UGT8: variants seen among roughly 807,000 people sequenced by gnomAD.
UGT8 encodes the protein 2-hydroxyacylsphingosine 1-beta-galactosyltransferase.
A neutral mutation model predicts 40.5 loss-of-function variants in UGT8; 12 were observed. The ratio of observed to expected loss-of-function variants is 0.30; its 90% confidence interval spans 0.19 to 0.48. The LOEUF is 0.48. Among genes scored for constraint, UGT8 ranks in the 20% least tolerant of loss-of-function variants. UGT8 has a pLI of 0.99. For missense variants in UGT8, 513 were observed against 648.7 expected, an observed-to-expected ratio of 0.79 and a Z score of 2.27; for synonymous variants, 224 against 240.4, an observed-to-expected ratio of 0.93 and a Z score of 0.63.
Position 114,664,132 on chromosome 4 carries a change from T to A in UGT8, c.960T>A (p.Ile320=). 2 of 1,613,632 alleles carry A rather than the reference T, an allele frequency of 1.2e-6. No individual in the cohort carries two copies. Among genetic ancestry groups the A allele is most frequent in the Non-Finnish European group, 1.7e-6 (2 of 1,179,872 alleles). The change falls in exon 3 of 6, where the codon ATT becomes ATA. Residue 320 remains isoleucine (I), a synonymous_variant. Transcript: ENST00000310836. The part of the protein sequence containing the change: ...GALGRLPQKV[I]WRFSGPKPKN... ...TGGGGAGATTGCCTCAAAAAGTGATTTGGAGGTAAGGTAATAATGTAGATT... is the reference window on the plus strand; with the variant it reads ...TGGGGAGATTGCCTCAAAAAGTGATATGGAGGTAAGGTAATAATGTAGATT...
At chr4:114,602,086 C>T (rs1183530609) in intron 1 of UGT8, among the ~76,000 whole-genome samples, 1 of 151,874 alleles carries the variant, frequency 6.6e-6, no homozygotes, top group South Asian at 2.1e-4. Flanking sequence ...TTTTAATGTA[C>T]CTTTTATAGA....
intron 2 of UGT8, among the ~76,000 whole-genome samples, chr4:114,659,661 G>A (rs1224422974): frequency 6.6e-6 from 1 of 152,104 alleles, no homozygotes; most frequent in Non-Finnish European, 1.5e-5. Context: ...TGTATTGAGT[G>A]AAATGGAAGG....
At chr4:114,611,790 C>T (rs917205078) in intron 1 of UGT8, among the ~76,000 whole-genome samples, 3 of 151,866 alleles carry the variant, frequency 2.0e-5, no homozygotes, top group Non-Finnish European at 4.4e-5. Flanking sequence ...AGGAAAATTG[C>T]ATTTTTTAAA....
intron 1 of UGT8, among the ~76,000 whole-genome samples, chr4:114,613,192 C>A (rs1201218403): frequency 2.0e-5 from 3 of 152,028 alleles, no homozygotes; most frequent in African/African-American, 7.2e-5. Context: ...AAAATGATAT[C>A]TTTGTAATTT....
At chr4:114,620,332 T>A (rs1731707641) in intron 1 of UGT8, among the ~76,000 whole-genome samples, 1 of 152,220 alleles carries the variant, frequency 6.6e-6, no homozygotes, top group South Asian at 2.1e-4. Flanking sequence ...GAGCAGTAGC[T>A]GCTGGAATAC....
chr4:114,641,135 A>G (rs1401096029), intron 2 of UGT8, among the ~76,000 whole-genome samples: 5 of 152,262 alleles, frequency 3.3e-5, no homozygotes, highest in Admixed American at 3.3e-4. Flanking sequence ...AGCTAAAGCT[A>G]AAGCCTGAAT....
rs1188174109 is a variant in UGT8, at chr4:114,623,685, G to T, written c.805G>T (p.Ala269Ser). 1.3e-6 allele frequency: 2 copies of T among 1,594,066 alleles called. No individual in the cohort carries two copies. Among genetic ancestry groups the T allele is most frequent in the Admixed American group, 3.4e-5 (2 of 59,148 alleles). Residue 269 changes from alanine to serine, a missense_variant, in exon 2 of 6, where the codon GCC (alanine) becomes TCC (serine). This residue lies in a region of UGT8 where 335 missense variants were observed against 444.8 expected (regional missense o/e 0.75). Transcript: ENST00000310836. ...VYVGGILTKP[A>S]SPLPEDLQRW... ...TGTAGGAGGAATCCTAACCAAACCA[G>T]CCAGCCCACTACCAGAAGTAAGGTT...
At chr4:114,673,742 G>A (rs1358013860) in intron 5 of UGT8, among the ~76,000 whole-genome samples, 2 of 151,934 alleles carry the variant, frequency 1.3e-5, no homozygotes, top group Non-Finnish European at 2.9e-5. Context: ...AAGATGTCAC[G>A]TTTCATTTTT....
intron 1 of UGT8, among the ~76,000 whole-genome samples, chr4:114,620,179 G>C (rs1731696787): frequency 1.3e-5 from 2 of 152,128 alleles, no homozygotes; most frequent in Admixed American, 1.3e-4. Flanking sequence ...ATTTATGATA[G>C]ATAAAGTAGT....
intron 2 of UGT8, among the ~76,000 whole-genome samples, chr4:114,628,975 C>A (rs1202639459): frequency 6.6e-6 from 1 of 151,468 alleles, no homozygotes; most frequent in African/African-American, 2.4e-5. Flanking sequence ...ACTTGGTATT[C>A]CTGATTAACA....
At chr4:114,653,075 A>G (rs1012226986) in intron 2 of UGT8, among the ~76,000 whole-genome samples, 1 of 151,984 alleles carries the variant, frequency 6.6e-6, no homozygotes, top group African/African-American at 2.4e-5. Flanking sequence ...TTTGTTGCAA[A>G]CGAGTTTACT....
intron 2 of UGT8, among the ~76,000 whole-genome samples, chr4:114,652,221 A>C (rs1438592956): frequency 1.3e-5 from 2 of 152,050 alleles, no homozygotes; most frequent in Non-Finnish European, 2.9e-5. Flanking sequence ...AGATGGAAGT[A>C]CTTCTAACAA....
intron 5 of UGT8, among the ~76,000 whole-genome samples, chr4:114,673,164 G>C (rs915879646): frequency 2.1e-4 from 3 of 14,598 alleles, no homozygotes; most frequent in African/African-American, 2.2e-4. Context: ...TGTCTGGAGT[G>C]ACCATTTTTA....
At chr4:114,617,315 G>A (rs1009516212) in intron 1 of UGT8, among the ~76,000 whole-genome samples, 2 of 152,154 alleles carry the variant, frequency 1.3e-5, no homozygotes, top group Non-Finnish European at 2.9e-5. Context: ...ACAGATGAAC[G>A]TTTTGGATGT....
intron 2 of UGT8, among the ~76,000 whole-genome samples, chr4:114,650,913 G>C (rs955079169): frequency 6.7e-6 from 1 of 149,722 alleles, no homozygotes; most frequent in African/African-American, 2.5e-5. Context: ...TTTTTTCATA[G>C]AACATGTCAT....
At chr4:114,616,990 T>A (rs1176737271) in intron 1 of UGT8, among the ~76,000 whole-genome samples, 1 of 152,126 alleles carries the variant, frequency 6.6e-6, no homozygotes, top group Non-Finnish European at 1.5e-5. Flanking sequence ...TGGTGGCTCA[T>A]GCCTGTAATC....
chr4:114,667,456 A>G (rs752129793), intron 4 of UGT8, among the ~76,000 whole-genome samples: 2 of 152,178 alleles, frequency 1.3e-5, no homozygotes, highest in African/African-American at 4.8e-5. Flanking sequence ...TTTTATTCCC[A>G]TAACAACTAA....
At chr4:114,653,864 T>A (rs777076940) in intron 2 of UGT8, among the ~76,000 whole-genome samples, 6 of 152,102 alleles carry the variant, frequency 3.9e-5, no homozygotes, top group Non-Finnish European at 8.8e-5. Flanking sequence ...TATGAACTTC[T>A]GAGGAGGAAA....
At chr4:114,611,445 TAC>T (rs66529253) in intron 1 of UGT8, among the ~76,000 whole-genome samples, 10 of 104,762 alleles carry the variant, frequency 9.5e-5, no homozygotes, top group African/African-American at 3.0e-4. Context: ...TATATATATA[TAC>T]ACACACACAC....
Sources: gnomAD v4.1 joint callset for allele counts (sites outside exome capture counted in the v4.1 genomes callset) on GRCh38, gnomAD v4.1.1 for gene constraint, gnomAD v4.1.1 regional missense constraint, MANE v1.5 for transcripts, NCBI Gene and HGNC (gene_info 2026-07-23, HGNC 2026-07-21) for gene names.